Variants in SV2B observed in about 807,000 individuals in gnomAD.
SV2B encodes synaptic vesicle glycoprotein 2B, also known as solute carrier family 22 member B2.
Under a neutral mutation model 73.9 loss-of-function variants are expected in SV2B, and 41 were observed. That is an observed-to-expected ratio of 0.56 (90% CI 0.43 to 0.72). The LOEUF (loss-of-function observed/expected upper bound fraction) is 0.72. SV2B is among the 30% of genes least tolerant of loss of function. The pLI is 0.00. For missense variants in SV2B, 764 were observed against 857.8 expected (o/e 0.89, Z 1.37); for synonymous variants, 314 against 314.2 (o/e 1.00, Z 0.01).
chr15:91,145,920 C>T (rs546917793), intron 1 of SV2B, among the ~76,000 whole-genome samples: 44 of 152,278 alleles, frequency 2.9e-4, no homozygotes, highest in African/African-American at 9.6e-4. Context: ...CATTTTCTCC[C>T]ATTCTGTAGG....
chr15:91,153,371 C>T (rs1389786723), intron 1 of SV2B, among the ~76,000 whole-genome samples: 2 of 152,132 alleles, frequency 1.3e-5, no homozygotes, highest in Non-Finnish European at 2.9e-5. Context: ...ACTAGCATTG[C>T]ATCTCGGGAG....
chr15:91,114,276 G>A (rs1358827189), intron 1 of SV2B, among the ~76,000 whole-genome samples: 3 of 151,850 alleles, frequency 2.0e-5, no homozygotes, highest in Admixed American at 1.3e-4. Context: ...AGAGGGTCTG[G>A]ACAGTCTAAC....
In SV2B at chr15:91,214,375, C is replaced by G. The variant is rs538429906; in HGVS notation, c.-391-11498C>G. ...TTAGGGAATACCTAGGAAGGCATAT[C>G]TGTGTGTGTGTTTATATAACAATAG... On this transcript the variant is annotated intron_variant, in intron 1 of 12. Coordinates refer to ENST00000394232, the MANE Select transcript of SV2B (RefSeq NM_001323032.3). The surrounding 1 kb of genome is among the most constrained non-coding windows in gnomAD (Gnocchi z 4.7). Among the ~76,000 whole-genome samples the G allele has an allele frequency of 2.0e-5, 3 of 152,292 alleles. No individual in the cohort carries two copies. The South Asian group carries it at 6.2e-4, about 32-fold the overall frequency.
chr15:91,243,433 C>T (rs2047101320), intron 2 of SV2B, among the ~76,000 whole-genome samples: 1 of 152,200 alleles, frequency 6.6e-6, no homozygotes, highest in African/African-American at 2.4e-5. Context: ...AATGCCTCTT[C>T]TTTTTAGCCT....
chr15:91,171,158 G>A (rs1567311455), intron 1 of SV2B, among the ~76,000 whole-genome samples: 1 of 152,150 alleles, frequency 6.6e-6, no homozygotes, highest in Non-Finnish European at 1.5e-5. Context: ...AAAAGGCAGG[G>A]AAGCATGGGG....
intron 2 of SV2B, among the ~76,000 whole-genome samples, chr15:91,249,581 G>A (rs968349710): frequency 6.6e-6 from 1 of 152,156 alleles, no homozygotes; most frequent in African/African-American, 2.4e-5. Flanking sequence ...TTAAAGGATC[G>A]AGTTGGTTTT....
At chr15:91,166,141 TA>T (rs1373639857) in intron 1 of SV2B, among the ~76,000 whole-genome samples, 3 of 152,178 alleles carry the variant, frequency 2.0e-5, no homozygotes, top group African/African-American at 4.8e-5. Context: ...CATTTTGGGT[TA>T]GATATTCTTT....
chr15:91,290,750 T>C lies in SV2B; in HGVS notation c.1868+1070T>C, dbSNP rs2049013339. Among the ~76,000 whole-genome samples the C allele has an allele frequency of 6.6e-6, 1 of 152,088 alleles. No homozygotes were observed. The highest frequency in any genetic ancestry group is 1.5e-5 in the Non-Finnish European group (1 of 68,020). On this transcript the variant is annotated intron_variant, in intron 12 of 12. Coordinates refer to ENST00000394232, the MANE Select transcript of SV2B (RefSeq NM_001323032.3). The surrounding 1 kb of genome is among the most constrained non-coding windows in gnomAD (Gnocchi z 4.7). ...AAAGACACATAAGAGAAGATAAATA[T>C]ATGCCAACTCAGTGATTTGGGAGGC...
Position 91,179,356 on chromosome 15 carries a change from A to G in SV2B, c.-391-46517A>G, listed in dbSNP as rs192826542. ...AATAGGTGTGGTGTGGTGCTGAAAA[A>G]AATATATATTTTGTTGATTTGGGGT... On this transcript the variant is annotated intron_variant, in intron 1 of 12. Transcript: ENST00000394232. Among the ~76,000 whole-genome samples, 648 of 152,196 alleles carry G rather than the reference A, an allele frequency of 4.3e-3. 3 individuals carry two copies. The highest frequency in any genetic ancestry group is 0.027 in the Middle Eastern group (8 of 294).
Position 91,299,528 on chromosome 15 carries a change from G to T in SV2B, c.*6976G>T, listed in dbSNP as rs530816148. 46 of 152,296 alleles carry T rather than the reference G, an allele frequency of 3.0e-4. No individual in the cohort carries two copies. Among genetic ancestry groups the T allele is most frequent in the African/African-American group, 1.1e-3 (45 of 41,576 alleles). The allele number at this position is 152,296 out of a possible 1,614,324, so 9.4% of individuals were successfully genotyped here. On this transcript the variant is annotated 3_prime_UTR_variant, in exon 13 of 13. Transcript: ENST00000394232. The stretch of plus-strand genomic sequence containing the variant: ...GAACATTGGTAGAGTGCATTGCTGA[G>T]TTATAACAAGTGTCTCAGGACGAGG...
intron 1 of SV2B, among the ~76,000 whole-genome samples, chr15:91,120,161 G>A (rs2042291047): frequency 1.3e-5 from 2 of 152,178 alleles, no homozygotes; most frequent in South Asian, 4.1e-4. Flanking sequence ...GGAAATTTAT[G>A]AAGAAAAGAG....
rs778068786 is a variant in SV2B at position 91,110,155 on chromosome 15, G to A, written c.-392+9792G>A. Among the ~76,000 whole-genome samples the A allele has an allele frequency of 9.2e-5, 14 of 152,106 alleles. No homozygotes were observed. Among genetic ancestry groups the A allele is most frequent in the Non-Finnish European group, 4.4e-5 (3 of 68,018 alleles). On this transcript the variant is annotated intron_variant, in intron 1 of 12. Transcript: ENST00000394232. This position sits in a 1 kb window ranked among gnomAD's most constrained non-coding sequence, Gnocchi z 5.4. ...TGTTCTGTTCCTTCTTCTTAGCAGTGTTCATTTGCATGTTTCTCTCATGAA... is the reference window on the plus strand; with the variant it reads ...TGTTCTGTTCCTTCTTCTTAGCAGTATTCATTTGCATGTTTCTCTCATGAA...
At position 91,224,184 on chromosome 15, in the gene SV2B, G is replaced by A. The variant is rs1465271747; in HGVS notation, c.-391-1689G>A. 6.6e-6 allele frequency among the ~76,000 whole-genome samples: 1 copy of A among 152,222 alleles called. No homozygotes were observed. The highest frequency in any genetic ancestry group is 1.5e-5 in the Non-Finnish European group (1 of 68,046). ...CAGAGGGAGGAGTCAAGTAGCCATGGTGAGGACAAATGTATCCAATCCTTT... is the reference window on the plus strand; with the variant it reads ...CAGAGGGAGGAGTCAAGTAGCCATGATGAGGACAAATGTATCCAATCCTTT... On this transcript the variant is annotated intron_variant, in intron 1 of 12. Coordinates refer to ENST00000394232, the MANE Select transcript of SV2B (RefSeq NM_001323032.3). This position sits in a 1 kb window ranked among gnomAD's most constrained non-coding sequence, Gnocchi z 4.9.
intron 2 of SV2B, among the ~76,000 whole-genome samples, chr15:91,248,476 T>G (rs2047344775): frequency 6.6e-6 from 1 of 152,248 alleles, no homozygotes; most frequent in Non-Finnish European, 1.5e-5. Context: ...TAATTTAAAA[T>G]TAATGAATGG....
At chr15:91,273,957 A>T (rs776668487) in intron 9 of SV2B, among the ~76,000 whole-genome samples, 1 of 152,172 alleles carries the variant, frequency 6.6e-6, no homozygotes, top group Non-Finnish European at 1.5e-5. Context: ...ATTATATTAC[A>T]TGTATAGATA....
rs890029259 is a variant in SV2B at position 91,106,750 on chromosome 15, G to T, written c.-392+6387G>T. Among the ~76,000 whole-genome samples the T allele has an allele frequency of 2.6e-5, 4 of 152,176 alleles. No individual in the cohort carries two copies. The highest frequency in any genetic ancestry group is 9.7e-5 in the African/African-American group (4 of 41,442). Reference sequence around the variant, plus strand: ...GATGTTCTTGGGTTATTATTGTACTGCTCTTAATTTAAGATGAGGCAGAAG... The same window carrying T: ...GATGTTCTTGGGTTATTATTGTACTTCTCTTAATTTAAGATGAGGCAGAAG... On this transcript the variant is annotated intron_variant, in intron 1 of 12. Coordinates refer to ENST00000394232, the MANE Select transcript of SV2B (RefSeq NM_001323032.3). This position sits in a 1 kb window ranked among gnomAD's most constrained non-coding sequence, Gnocchi z 4.4.
chr15:91,127,933 G>A (rs2042534295), intron 1 of SV2B, among the ~76,000 whole-genome samples: 1 of 152,216 alleles, frequency 6.6e-6, no homozygotes, highest in African/African-American at 2.4e-5. Flanking sequence ...AAAGTGACAT[G>A]CATTTTATGA....
At chr15:91,165,151 A>G (rs1401177631) in intron 1 of SV2B, among the ~76,000 whole-genome samples, 1 of 152,092 alleles carries the variant, frequency 6.6e-6, no homozygotes, top group African/African-American at 2.4e-5. Flanking sequence ...AGCCTGGCCA[A>G]TATGTTGAAA....
intron 1 of SV2B, among the ~76,000 whole-genome samples, chr15:91,117,687 A>T (rs1465902231): frequency 6.6e-6 from 1 of 152,232 alleles, no homozygotes; most frequent in Non-Finnish European, 1.5e-5. Context: ...GTTTGCTAGC[A>T]TTTCATTGGC....
Sources: allele counts gnomAD v4.1 joint callset (sites outside exome capture counted in the v4.1 genomes callset), GRCh38; gene constraint gnomAD v4.1.1; non-coding constraint Gnocchi (gnomAD v3.1); transcripts MANE v1.5; gene names NCBI Gene and HGNC (gene_info 2026-07-23, HGNC 2026-07-21).